The following ZNF462 variants were observed in gnomAD, a reference collection of about 807,000 sequenced individuals.
ZNF462 encodes the protein zinc finger protein 462, also known as zinc finger PBX1-interacting protein.
ZNF462 carries 10 observed loss-of-function variants against 201.9 expected under a neutral mutation model. The observed-to-expected ratio is 0.05, with a 90% CI of 0.03 to 0.08. The LOEUF is 0.08. ZNF462 is among the 10% of genes least tolerant of loss of function. The pLI is 1.00. For synonymous variants in ZNF462, 1,227 were observed against 1,193.3 expected (o/e 1.03, Z -0.58); for missense variants, 2,523 against 3,168.3 (o/e 0.80, Z 4.89).
In ZNF462 at chr9:106,938,699, C is replaced by G. The variant is rs1245689379; in HGVS notation, c.6236-217C>G. Among the ~76,000 whole-genome samples, 1 of 152,102 alleles carries G rather than the reference C, an allele frequency of 6.6e-6. No individual in the cohort carries two copies. Among genetic ancestry groups the G allele is most frequent in the African/African-American group, 2.4e-5 (1 of 41,424 alleles). On this transcript the variant is annotated intron_variant, in intron 6 of 12. Coordinates refer to ENST00000277225, the MANE Select transcript of ZNF462 (RefSeq NM_021224.6). This position sits in a 1 kb window ranked among gnomAD's most constrained non-coding sequence, Gnocchi z 4.4. ...AAGCAGAGCCCAAAATGAAAAAGGA[C>G]CAGTTCACTAGATTCTGGAGCTCAT...
intron 10 of ZNF462, among the ~76,000 whole-genome samples, chr9:106,996,916 G>A (rs1240001220): frequency 6.6e-6 from 1 of 152,130 alleles, no homozygotes. Context: ...TGCTACCCTG[G>A]AAGAGTTTAT....
chr9:106,990,672 T>A (rs1167898139), intron 10 of ZNF462, among the ~76,000 whole-genome samples: 1 of 152,026 alleles, frequency 6.6e-6, no homozygotes, highest in East Asian at 1.9e-4. Context: ...GAGCACCTAA[T>A]TGAAGCTAAA....
In ZNF462 at chr9:106,995,390, T is replaced by C. The variant is rs528767845; in HGVS notation, c.7057-7904T>C. The C allele has an allele frequency of 2.0e-5, 3 of 152,332 alleles. No individual in the cohort carries two copies. The East Asian group carries it at 5.8e-4, about 29-fold the overall frequency. The allele number at this position is 152,332 out of a possible 1,614,324, so 9.4% of individuals were successfully genotyped here. On this transcript the variant is annotated intron_variant, in intron 10 of 12. Coordinates refer to ENST00000277225, the MANE Select transcript of ZNF462 (RefSeq NM_021224.6). Reference sequence around the variant, plus strand: ...TTTGAAAAAAATTCGGAAAGGATGCTACTGTTCTATCCCATCACATTTTGC... The same window carrying C: ...TTTGAAAAAAATTCGGAAAGGATGCCACTGTTCTATCCCATCACATTTTGC...
At chr9:106,901,952 CTG>C (rs1444586158) in intron 1 of ZNF462, among the ~76,000 whole-genome samples, 1 of 152,106 alleles carries the variant, frequency 6.6e-6, no homozygotes, top group African/African-American at 2.4e-5. Context: ...ACTTTCAACA[CTG>C]TGTTGAAGTG....
chr9:106,881,378 G>A (rs554496620), intron 1 of ZNF462, among the ~76,000 whole-genome samples: 27 of 150,448 alleles, frequency 1.8e-4, no homozygotes, highest in Non-Finnish European at 2.5e-4. Flanking sequence ...TGGAAAGATC[G>A]TAGACCTCAG....
chr9:106,904,294 ATCT>A (rs1394433192), intron 1 of ZNF462, among the ~76,000 whole-genome samples: 3 of 152,142 alleles, frequency 2.0e-5, no homozygotes, highest in African/African-American at 4.8e-5. Flanking sequence ...CTGCTGAGAA[ATCT>A]TCTGTTAATC....
intron 1 of ZNF462, among the ~76,000 whole-genome samples, chr9:106,909,907 A>C (rs1829470801): frequency 6.6e-6 from 1 of 152,160 alleles, no homozygotes; most frequent in African/African-American, 2.4e-5. Flanking sequence ...CCACAGATTT[A>C]AGCATATTTT....
intron 7 of ZNF462, among the ~76,000 whole-genome samples, chr9:106,959,784 G>T (rs924369105): frequency 2.0e-5 from 3 of 152,030 alleles, no homozygotes; most frequent in African/African-American, 7.2e-5. Flanking sequence ...GACAGAGCTG[G>T]CTAAGACAGT....
At chr9:106,915,281 G>A (rs1829725751) in intron 1 of ZNF462, among the ~76,000 whole-genome samples, 1 of 151,834 alleles carries the variant, frequency 6.6e-6, no homozygotes, top group Non-Finnish European at 1.5e-5. Flanking sequence ...GCAAAAGTGG[G>A]ATTTATCATT....
intron 7 of ZNF462, among the ~76,000 whole-genome samples, chr9:106,960,417 G>A (rs1831778326): frequency 6.6e-6 from 1 of 152,040 alleles, no homozygotes. Flanking sequence ...TACCATCTGA[G>A]GTTGCTCACA....
chr9:107,000,822 GA>G (rs1251561180), intron 10 of ZNF462, among the ~76,000 whole-genome samples: 1 of 151,972 alleles, frequency 6.6e-6, no homozygotes, highest in African/African-American at 2.4e-5. Flanking sequence ...GAATGAGGGG[GA>G]AAAAAATAAC....
At chr9:106,939,909 C>G (rs1432307362) in intron 7 of ZNF462, among the ~76,000 whole-genome samples, 2 of 152,212 alleles carry the variant, frequency 1.3e-5, no homozygotes, top group Non-Finnish European at 2.9e-5. Flanking sequence ...TCTGCAGATT[C>G]TTCGAGGTAG....
chr9:106,921,302 C>A (rs1034274966), intron 1 of ZNF462, among the ~76,000 whole-genome samples: 1 of 152,174 alleles, frequency 6.6e-6, no homozygotes, highest in African/African-American at 2.4e-5. Flanking sequence ...CTTTGGAGAT[C>A]TTGGTGAATG....
chr9:106,939,411 A>C (rs1387194329), intron 7 of ZNF462, among the ~76,000 whole-genome samples: 15 of 152,196 alleles, frequency 9.9e-5, no homozygotes, highest in Non-Finnish European at 1.9e-4. Context: ...TTCAAGCAAG[A>C]AAGCGAATAC....
Position 107,006,793 on chromosome 9 carries a change from C to G in ZNF462, c.7190-2752C>G, listed in dbSNP as rs1328641871. On this transcript the variant is annotated intron_variant, in intron 11 of 12. Transcript: ENST00000277225. The surrounding 1 kb of genome is among the most constrained non-coding windows in gnomAD (Gnocchi z 4.3). The stretch of plus-strand genomic sequence containing the variant: ...TGACAGCCAAGGTACACTACCCTTT[C>G]AAAAACCCTGTGCCTGTATTAACCT... Among the ~76,000 whole-genome samples the G allele has an allele frequency of 6.6e-6, 1 of 152,090 alleles. No individual in the cohort carries two copies. Among genetic ancestry groups the G allele is most frequent in the Admixed American group, 6.5e-5 (1 of 15,278 alleles).
intron 1 of ZNF462, among the ~76,000 whole-genome samples, chr9:106,889,343 G>C (rs368519313): frequency 1.6e-4 from 25 of 152,298 alleles, no homozygotes; most frequent in South Asian, 1.0e-3. Flanking sequence ...GGTTGTGATC[G>C]TTAACGAGCT....
upstream of ZNF462, among the ~76,000 whole-genome samples, chr9:106,861,270 C>G (rs1484547854): frequency 6.6e-6 from 1 of 151,994 alleles, no homozygotes; most frequent in African/African-American, 2.4e-5. Context: ...GGATTTAGAT[C>G]TGTTTATGAA....
intron 1 of ZNF462, among the ~76,000 whole-genome samples, chr9:106,877,336 T>G (rs529288240): frequency 6.7e-6 from 1 of 149,588 alleles, no homozygotes; most frequent in African/African-American, 2.5e-5. Flanking sequence ...TTTGGGAAAT[T>G]TCCAGAGAAA....
intron 1 of ZNF462, among the ~76,000 whole-genome samples, chr9:106,864,067 T>G (rs1030604224): frequency 2.6e-5 from 3 of 117,332 alleles, no homozygotes; most frequent in African/African-American, 1.0e-4. Flanking sequence ...TCTCTCTCTC[T>G]CTCTCTCTCT....
Sources: allele counts gnomAD v4.1 joint callset (sites outside exome capture counted in the v4.1 genomes callset), GRCh38; gene constraint gnomAD v4.1.1; non-coding constraint Gnocchi (gnomAD v3.1); transcripts MANE v1.5; gene names NCBI Gene and HGNC (gene_info 2026-07-23, HGNC 2026-07-21).